Variants in PTOV1 observed in about 807,000 individuals in gnomAD.
PTOV1 encodes PTOV1 extended AT-hook containing adaptor protein, also known as prostate tumor-overexpressed gene 1 protein.
A neutral mutation model predicts 58.0 loss-of-function variants in PTOV1; 20 were observed. The ratio of observed to expected loss-of-function variants is 0.34; its 90% CI spans 0.24 to 0.50. PTOV1 has a LOEUF of 0.50. PTOV1 is among the 20% of genes least tolerant of loss of function. The probability of loss-of-function intolerance (pLI) is 0.98; values close to 1 mark genes in which losing one functional copy is unlikely to be tolerated. For missense variants in PTOV1, 593 were observed against 565.4 expected (o/e 1.05, Z -0.50); for synonymous variants, 335 against 234.2 (o/e 1.43, Z -3.93).
rs1445100433 is a variant in PTOV1 at position 49,851,447 on chromosome 19, G to C, written c.119G>C (p.Ser40Thr). The change falls in exon 1 of 12, where the codon AGC becomes ACC. Residue 40 changes from serine (S) to threonine (T), a missense_variant. Transcript: ENST00000391842. ...GTCCGCTCGCGCTCCTGGCCTGCCA[G>C]CCCCCGAGGCCCGCAGCCTCCGCGG... 2.0e-5 allele frequency: 24 copies of C among 1,220,196 alleles called. No homozygotes were observed. In the East Asian group the frequency reaches 7.8e-4, roughly 39 times the overall value. 75.6% of individuals were successfully genotyped at this position (1,220,196 alleles called of 1,614,324 possible).
At chr19:49,851,294 G>A in exon 1 of PTOV1, 2 of 1,056,016 alleles carry the variant, frequency 1.9e-6, no homozygotes, top group Non-Finnish European at 2.3e-6. Flanking sequence ...CTTGTGGCCC[G>A]CGGCAGCTCC....
Position 49,854,961 on chromosome 19 carries a change from C to T in PTOV1, c.451-9C>T, listed in dbSNP as rs376815764. ...TGGCTGACCCAGCTGTCTGTCCTGT[C>T]GCCCCCAGACCACCCTGGGCCCCCT... is the stretch of plus-strand genomic sequence containing the variant. On this transcript the variant is annotated splice_polypyrimidine_tract_variant and intron_variant, in intron 4 of 11. Coordinates refer to ENST00000391842, the Ensembl canonical transcript of PTOV1. The T allele has an allele frequency of 1.5e-4, 234 of 1,531,594 alleles. 2 individuals carry two copies. The highest frequency in any genetic ancestry group is 1.0e-3 in the South Asian group (88 of 87,586). The allele number at this position is 1,531,594 out of a possible 1,614,324, so 94.9% of individuals were successfully genotyped here.
intron 5 of PTOV1, among the ~76,000 whole-genome samples, chr19:49,855,930 G>A (rs1358544759): frequency 6.6e-6 from 1 of 152,100 alleles, no homozygotes; most frequent in Non-Finnish European, 1.5e-5. Flanking sequence ...AAGATGGCAG[G>A]TGCTGGAGAG....
intron 5 of PTOV1, chr19:49,855,463 T>C (rs141153324): frequency 0.016 from 4,456 of 272,842 alleles, 55 homozygotes; most frequent in Non-Finnish European, 0.022. Context: ...CGTTGGGGCT[T>C]GGTATTCTGG....
exon 6 of PTOV1, chr19:49,857,013 G>A: frequency 6.2e-7 from 1 of 1,613,892 alleles, no homozygotes; most frequent in Non-Finnish European, 8.5e-7. Flanking sequence ...CCCCCTGTGA[G>A]GTGCGCGTGC....
Position 49,857,107 on chromosome 19 carries a change from C to T in PTOV1, c.691C>T (p.Gln231Ter). 1 of 1,614,062 alleles carries T rather than the reference C, an allele frequency of 6.2e-7. No individual in the cohort carries two copies. The change falls in exon 6 of 12, where the codon CAG becomes TAG. Residue 231 changes from glutamine (Q) to a stop codon, truncating the protein, a stop_gained. Transcript: ENST00000391842. LOFTEE classifies it high-confidence loss of function. ...GAGCGGCTTCGTCAGTGCCATCCGG[C>T]AGGTCATCACCACCCGCAAGCAGGT...
chr19:49,855,078 G>A lies in PTOV1; in HGVS notation c.558+1G>A, dbSNP rs1227329288. 1 of 1,585,798 alleles carries A rather than the reference G, an allele frequency of 6.3e-7. No homozygotes were observed. The highest frequency in any genetic ancestry group is 8.6e-7 in the Non-Finnish European group (1 of 1,165,056). Reference sequence around the variant, plus strand: ...CTGCCGCATCATGGGCAACGGCTTCGTGAGTGGGGCGGGCTCCCTTGTAGC... The same window carrying A: ...CTGCCGCATCATGGGCAACGGCTTCATGAGTGGGGCGGGCTCCCTTGTAGC... On this transcript the variant is annotated splice_donor_variant, in intron 5 of 11. Transcript: ENST00000391842. LOFTEE classifies it high-confidence loss of function.
chr19:49,860,669 G>A (rs989447205), exon 12 of PTOV1: 5 of 403,144 alleles, frequency 1.2e-5, no homozygotes, highest in Non-Finnish European at 2.2e-5. Context: ...GCAACATGGA[G>A]GATGGTGTCC....
upstream of PTOV1, chr19:49,851,125 C>T (rs548792137): frequency 6.0e-6 from 8 of 1,337,188 alleles, no homozygotes; most frequent in South Asian, 3.7e-5. Flanking sequence ...CCCTCGGACG[C>T]GCTTGGTACG....
At chr19:49,855,417 G>T in intron 5 of PTOV1, 1 of 342,156 alleles carries the variant, frequency 2.9e-6, no homozygotes, top group Non-Finnish European at 5.6e-6. Context: ...GTAAATGGGT[G>T]TGCTAGGCAC....
intron 1 of PTOV1, chr19:49,851,731 C>T (rs1371030113): frequency 2.7e-6 from 3 of 1,121,276 alleles, no homozygotes; most frequent in Non-Finnish European, 3.3e-6. Flanking sequence ...GGGGGCGGGG[C>T]GGGCTCATAT....
chr19:49,851,764 T>C, intron 1 of PTOV1: 3 of 1,085,918 alleles, frequency 2.8e-6, no homozygotes, highest in Non-Finnish European at 3.4e-6. Context: ...CGCGGCCCGA[T>C]TTAAACGCGG....
chr19:49,858,524 T>TGG (rs1048162062), intron 9 of PTOV1, 25 bp from the exon 10 acceptor site: 6 of 1,558,006 alleles, frequency 3.9e-6, no homozygotes, highest in Non-Finnish European at 5.2e-6. Context: ...AAGCCAGAGC[T>TGG]GGGGGTCCCC....
At chr19:49,854,474 T>A in exon 2 of PTOV1, 2 of 1,612,426 alleles carry the variant, frequency 1.2e-6, no homozygotes, top group Non-Finnish European at 1.7e-6. Context: ...CCCTCGGGGG[T>A]CTGGCCGTGA....
intron 11 of PTOV1, 28 bp downstream of exon 11, chr19:49,860,211 C>G (rs2074690023): frequency 6.2e-7 from 1 of 1,613,778 alleles, no homozygotes; most frequent in African/African-American, 1.3e-5. Flanking sequence ...CAGGGCTGCT[C>G]AGTCTCCCTC....
chr19:49,851,819 C>T (rs2074263137), intron 1 of PTOV1: 2 of 1,011,910 alleles, frequency 2.0e-6, no homozygotes, highest in Non-Finnish European at 2.4e-6. Flanking sequence ...CTTGTTTTTC[C>T]TATTGGAGAG....
intron 1 of PTOV1, 142 bp from the exon 2 acceptor site, chr19:49,854,264 G>A (rs1222232312): frequency 9.0e-7 from 1 of 1,115,728 alleles, no homozygotes; most frequent in Non-Finnish European, 1.3e-6. Flanking sequence ...GGGGTGAGCA[G>A]AGGGTTTGGA....
intron 6 of PTOV1, chr19:49,857,378 G>GGGCAGGGGTT (rs2074520847): frequency 1.6e-6 from 1 of 625,890 alleles, no homozygotes; most frequent in African/African-American, 1.8e-5. Flanking sequence ...GCGGGGAGCT[G>GGGCAGGGGTT]GGCAGGGGTT....
Position 49,854,591 on chromosome 19 carries a change from C to T in PTOV1, c.309+48C>T, listed in dbSNP as rs762281105. On this transcript the variant is annotated intron_variant, in intron 2 of 11. Transcript: ENST00000391842. ...CTGGCCTCCAGGGTCTTGTCTTGTCCCTGCGGGGACAGGCCAGGGCATCTA... is the reference window on the plus strand; with the variant it reads ...CTGGCCTCCAGGGTCTTGTCTTGTCTCTGCGGGGACAGGCCAGGGCATCTA... The T allele has an allele frequency of 6.2e-6, 10 of 1,612,750 alleles. No homozygotes were observed. In the Admixed American group the frequency reaches 1.5e-4, roughly 24 times the overall value.
Sources: gnomAD v4.1 joint callset for allele counts (sites outside exome capture counted in the v4.1 genomes callset) on GRCh38, gnomAD v4.1.1 for gene constraint, MANE v1.5 for transcripts, NCBI Gene and HGNC (gene_info 2026-07-23, HGNC 2026-07-21) for gene names.